Variants in NCOA1 observed in about 807,000 individuals in gnomAD.
NCOA1 encodes Hin-2 protein.
NCOA1 carries 35 observed loss-of-function variants against 150.9 expected under a neutral mutation model. The observed-to-expected ratio is 0.23, with a 90% confidence interval of 0.18 to 0.31. NCOA1 has a LOEUF of 0.31. Among genes scored for constraint, NCOA1 ranks in the 10% least tolerant of loss-of-function variants. NCOA1 has a pLI of 1.00. For missense variants in NCOA1, 1,491 were observed against 1,749.3 expected (o/e 0.85, Z 2.63); for synonymous variants, 590 against 630.0 (o/e 0.94, Z 0.95).
intron 1 of NCOA1, among the ~76,000 whole-genome samples, chr2:24,560,484 C>T (rs998656205): frequency 2.0e-5 from 3 of 152,088 alleles, no homozygotes; most frequent in Admixed American, 6.5e-5. Context: ...TGGCTTTCTG[C>T]ATTCTAAGCA....
Position 24,701,903 on chromosome 2 carries a change from G to A in NCOA1, c.950-3183G>A, listed in dbSNP as rs913777148. 5.3e-5 allele frequency among the ~76,000 whole-genome samples: 8 copies of A among 152,154 alleles called. No individual in the cohort carries two copies. In the East Asian group the frequency reaches 1.4e-3, roughly 26 times the overall value. On this transcript the variant is annotated intron_variant, in intron 11 of 22. Transcript: ENST00000348332. ...CATGAGCCTGTAATCCCAGCTACTC[G>A]GGAGTCTGAGGCAGGAGAATCCCTT... is the stretch of plus-strand genomic sequence containing the variant.
chr2:24,762,789 A>C lies in NCOA1; in HGVS notation c.4155+13A>C. 1.2e-6 allele frequency: 2 copies of C among 1,606,604 alleles called. No homozygotes were observed. Among genetic ancestry groups the C allele is most frequent in the East Asian group, 2.2e-5 (1 of 44,816 alleles). The stretch of plus-strand genomic sequence containing the variant: ...AGATGGAACCCAGGTCAGTAAGGAA[A>C]TTCTAAGCCCAGAGCTGTCAAATGT... On this transcript the variant is annotated intron_variant, in intron 22 of 22. Coordinates refer to ENST00000348332, the MANE Select transcript of NCOA1 (RefSeq NM_003743.5).
At chr2:24,527,333 T>C (rs1255507620) in intron 1 of NCOA1, among the ~76,000 whole-genome samples, 1 of 152,192 alleles carries the variant, frequency 6.6e-6, no homozygotes, top group Admixed American at 6.5e-5. Flanking sequence ...CACCAACCCT[T>C]GCCTCTGATG....
chr2:24,641,284 T>G (rs1670204604), intron 3 of NCOA1, among the ~76,000 whole-genome samples: 1 of 151,254 alleles, frequency 6.6e-6, no homozygotes, highest in Admixed American at 6.6e-5. Flanking sequence ...TTTAATATAT[T>G]ATAAACTCCA....
chr2:24,714,974 C>G (rs1307412197), intron 14 of NCOA1, among the ~76,000 whole-genome samples: 1 of 151,942 alleles, frequency 6.6e-6, no homozygotes, highest in Non-Finnish European at 1.5e-5. Context: ...AAAAAACTTT[C>G]TATACTTAGT....
At chr2:24,668,248 A>G (rs1671520543) in intron 6 of NCOA1, among the ~76,000 whole-genome samples, 1 of 152,180 alleles carries the variant, frequency 6.6e-6, no homozygotes, top group Non-Finnish European at 1.5e-5. Context: ...GAAGGGAATA[A>G]ATGATAAGAG....
intron 17 of NCOA1, among the ~76,000 whole-genome samples, chr2:24,738,648 T>A (rs993740761): frequency 1.3e-5 from 2 of 152,196 alleles, no homozygotes; most frequent in African/African-American, 2.4e-5. Context: ...ATCCACAATG[T>A]GCTTTTGGCC....
chr2:24,537,092 C>T (rs572658413), intron 1 of NCOA1, among the ~76,000 whole-genome samples: 1 of 151,904 alleles, frequency 6.6e-6, no homozygotes, highest in East Asian at 1.9e-4. Flanking sequence ...GTCCATGTAA[C>T]CCCAAACCAC....
chr2:24,505,132 A>G (rs1010501726), intron 1 of NCOA1, among the ~76,000 whole-genome samples: 1 of 151,340 alleles, frequency 6.6e-6, no homozygotes, highest in Non-Finnish European at 1.5e-5. Flanking sequence ...AAAGTCATCA[A>G]TCCTGAACTT....
chr2:24,630,175 T>G (rs1472764855), intron 3 of NCOA1, among the ~76,000 whole-genome samples: 3 of 152,148 alleles, frequency 2.0e-5, no homozygotes, highest in African/African-American at 7.2e-5. Context: ...CTCTGAACAA[T>G]TCTTGACTAG....
At chr2:24,675,018 C>T (rs992467162) in intron 7 of NCOA1, among the ~76,000 whole-genome samples, 2 of 152,188 alleles carry the variant, frequency 1.3e-5, no homozygotes, top group African/African-American at 2.4e-5. Flanking sequence ...TCACAGTGTT[C>T]TTTCTCTACC....
chr2:24,570,138 G>C (rs547264894), intron 2 of NCOA1, among the ~76,000 whole-genome samples: 1 of 147,600 alleles, frequency 6.8e-6, no homozygotes, highest in Non-Finnish European at 1.5e-5. Flanking sequence ...CTGGGTCCAC[G>C]TTCAATCATA....
intron 14 of NCOA1, among the ~76,000 whole-genome samples, chr2:24,725,470 T>C (rs970712989): frequency 6.6e-6 from 1 of 152,166 alleles, no homozygotes; most frequent in Non-Finnish European, 1.5e-5. Context: ...ACTAGTCATA[T>C]TGGATTAGGG....
chr2:24,562,880 A>G (rs1236668528), intron 1 of NCOA1, among the ~76,000 whole-genome samples: 2 of 152,198 alleles, frequency 1.3e-5, no homozygotes, highest in African/African-American at 4.8e-5. Flanking sequence ...CTCAGGTTAG[A>G]AAAAATAGAG....
chr2:24,719,028 C>CAAA (rs59556004), intron 14 of NCOA1, among the ~76,000 whole-genome samples: 92 of 34,428 alleles, frequency 2.7e-3, no homozygotes, highest in Admixed American at 3.4e-3. Flanking sequence ...GACTCTGTCC[C>CAAA]AAAAAAAAAA....
At chr2:24,674,260 C>A (rs1415835929) in intron 7 of NCOA1, among the ~76,000 whole-genome samples, 1 of 149,626 alleles carries the variant, frequency 6.7e-6, no homozygotes, top group Non-Finnish European at 1.5e-5. Context: ...TGCTGGAGTG[C>A]AGTGGTGTGG....
intron 1 of NCOA1, among the ~76,000 whole-genome samples, chr2:24,536,629 G>A (rs978270758): frequency 3.9e-5 from 6 of 152,076 alleles, no homozygotes; most frequent in African/African-American, 1.4e-4. Flanking sequence ...TTACAGATGG[G>A]GTTTCGGTGT....
Position 24,492,340 on chromosome 2 carries a change from G to T in NCOA1, c.-396+738G>T, listed in dbSNP as rs138002539. ...TGGTTAGTGGGCAGTGACAGAATTCGGGCCGCTCTCTAGTCCCTTGTAAAA... is the reference window on the plus strand; with the variant it reads ...TGGTTAGTGGGCAGTGACAGAATTCTGGCCGCTCTCTAGTCCCTTGTAAAA... On this transcript the variant is annotated intron_variant, in intron 1 of 22. Coordinates refer to ENST00000348332, the MANE Select transcript of NCOA1 (RefSeq NM_003743.5). Among the ~76,000 whole-genome samples the T allele has an allele frequency of 5.2e-3, 799 of 152,240 alleles. 5 individuals are homozygous for T. Among genetic ancestry groups the T allele is most frequent in the African/African-American group, 0.018 (765 of 41,526 alleles).
At chr2:24,531,344 T>C (rs1664877503) in intron 1 of NCOA1, among the ~76,000 whole-genome samples, 1 of 151,960 alleles carries the variant, frequency 6.6e-6, no homozygotes, top group Non-Finnish European at 1.5e-5. Context: ...CATCAGCCAA[T>C]GCGTGGGTAA....
Sources: allele counts gnomAD v4.1 joint callset (sites outside exome capture counted in the v4.1 genomes callset), GRCh38; gene constraint gnomAD v4.1.1; transcripts MANE v1.5; gene names NCBI Gene and HGNC (gene_info 2026-07-23, HGNC 2026-07-21).